ANK2: variants seen among roughly 807,000 people sequenced by gnomAD.
ANK2 encodes ankyrin-2.
Under a neutral mutation model 360.5 loss-of-function variants are expected in ANK2, and 83 were observed. The observed-to-expected ratio is 0.23, with a 90% CI of 0.19 to 0.28. The LOEUF (loss-of-function observed/expected upper bound fraction) is 0.28. ANK2 is among the 10% of genes least tolerant of loss of function. The pLI, the probability that ANK2 is intolerant of heterozygous loss-of-function variation, is 1.00. For missense variants in ANK2, 4,201 were observed against 4,795.7 expected (o/e 0.88, Z 3.66); for synonymous variants, 1,740 against 1,759.5 (o/e 0.99, Z 0.28).
the ANK2 span, among the ~76,000 whole-genome samples, chr4:112,733,536 T>A: frequency 4.5e-3 from 682 of 152,330 alleles, 5 homozygotes; most frequent in Admixed American, 8.6e-3. Context: ...ACTAATAACT[T>A]ACCATGACTT....
At chr4:112,974,478 A>G (rs2040663813) in intron 2 of ANK2, among the ~76,000 whole-genome samples, 1 of 152,200 alleles carries the variant, frequency 6.6e-6, no homozygotes, top group Non-Finnish European at 1.5e-5. Flanking sequence ...ACAGAATTGT[A>G]AGATTTCTGT....
chr4:112,960,295 C>T (rs1258556610), intron 2 of ANK2, among the ~76,000 whole-genome samples: 1 of 151,260 alleles, frequency 6.6e-6, no homozygotes, highest in Non-Finnish European at 1.5e-5. Flanking sequence ...CTCTAGATGA[C>T]ATGTATGCAG....
intron 2 of ANK2, among the ~76,000 whole-genome samples, chr4:112,984,064 G>A (rs996788771): frequency 1.3e-5 from 2 of 152,146 alleles, no homozygotes; most frequent in African/African-American, 4.8e-5. Context: ...ACAAACTTTT[G>A]CCTGGGAGAG....
chr4:112,917,259 A>C (rs956371492), intron 2 of ANK2, among the ~76,000 whole-genome samples: 3 of 152,250 alleles, frequency 2.0e-5, no homozygotes, highest in Admixed American at 6.5e-5. Flanking sequence ...ACTCTCGTGG[A>C]TCTAAAATGC....
intron 22 of ANK2, among the ~76,000 whole-genome samples, chr4:113,299,794 A>G (rs1211480667): frequency 6.6e-6 from 1 of 152,022 alleles, no homozygotes; most frequent in Non-Finnish European, 1.5e-5. Flanking sequence ...CCTGCAATTT[A>G]TATACTTTCC....
At chr4:113,287,740 G>T in intron 19 of ANK2, 37 bp downstream of exon 19, 1 of 1,553,682 alleles carries the variant, frequency 6.4e-7, no homozygotes, top group South Asian at 1.1e-5. Flanking sequence ...GACAGGTTCT[G>T]GCTGGGATGA....
chr4:112,856,195 G>C (rs1437169676), intron 1 of ANK2, among the ~76,000 whole-genome samples: 4 of 152,138 alleles, frequency 2.6e-5, no homozygotes, highest in African/African-American at 9.7e-5. Flanking sequence ...AAGCTAAATA[G>C]TCCTGAGGAT....
At chr4:112,764,621 T>A in the ANK2 span, among the ~76,000 whole-genome samples, 1 of 147,196 alleles carries the variant, frequency 6.8e-6, no homozygotes, top group East Asian at 2.1e-4. Flanking sequence ...GGATTACAGG[T>A]GTGAGCCACC....
At chr4:112,921,213 C>T (rs1371509306) in intron 2 of ANK2, among the ~76,000 whole-genome samples, 14 of 151,336 alleles carry the variant, frequency 9.3e-5, no homozygotes, top group South Asian at 6.3e-4. Context: ...TTTGTAGAGA[C>T]GGAGTTTTGC....
chr4:113,146,458 G>C (rs1437146502), intron 1 of ANK2, among the ~76,000 whole-genome samples: 1 of 152,112 alleles, frequency 6.6e-6, no homozygotes, highest in Non-Finnish European at 1.5e-5. Flanking sequence ...GCCTAAAACA[G>C]TATTTCCCTC....
Position 113,356,985 on chromosome 4 carries a change from C to A in ANK2, c.8367C>A (p.Val2789=). The A allele has an allele frequency of 6.2e-7, 1 of 1,614,062 alleles. No individual in the cohort carries two copies. The highest frequency in any genetic ancestry group is 8.5e-7 in the Non-Finnish European group (1 of 1,179,976). ...AMSPSSSAAP[V]SSGLQSPTGD... ...GTCCTAGCAGCTCAGCTGCTCCTGT[C>A]TCTTCAGGTCTACAGAGTCCGACTG... Residue 2789 remains valine (V), a synonymous_variant, in exon 38 of 46, where the codon GTC becomes GTA. Coordinates refer to ENST00000357077, the MANE Select transcript of ANK2 (RefSeq NM_001148.6).
chr4:113,214,898 A>G (rs1192532468), intron 4 of ANK2, among the ~76,000 whole-genome samples: 1 of 152,138 alleles, frequency 6.6e-6, no homozygotes, highest in Non-Finnish European at 1.5e-5. Context: ...AGAATGGTGG[A>G]TTTGCAGGAA....
intron 1 of ANK2, among the ~76,000 whole-genome samples, chr4:113,124,700 C>CT (rs1310249505): frequency 6.6e-6 from 1 of 152,136 alleles, no homozygotes; most frequent in African/African-American, 2.4e-5. Context: ...AGGGAAAACT[C>CT]TTTTTTCTCT....
the ANK2 span, among the ~76,000 whole-genome samples, chr4:112,740,383 G>A: frequency 9.9e-5 from 15 of 152,144 alleles, no homozygotes; most frequent in African/African-American, 3.6e-4. Context: ...GACTACAGGT[G>A]CATGCCACCA....
At chr4:113,267,477 G>A (rs1436631713) in intron 14 of ANK2, among the ~76,000 whole-genome samples, 12 of 152,170 alleles carry the variant, frequency 7.9e-5, no homozygotes, top group Admixed American at 7.9e-4. Flanking sequence ...TGGCTAGCCA[G>A]TTTTCCCAAC....
intron 2 of ANK2, among the ~76,000 whole-genome samples, chr4:112,978,497 T>A (rs370832791): frequency 2.1e-4 from 32 of 152,330 alleles, no homozygotes; most frequent in East Asian, 1.7e-3. Flanking sequence ...CTTTTCTTAG[T>A]CCCTGGAAAC....
At chr4:113,038,371 A>G (rs1051028237) in intron 2 of ANK2, among the ~76,000 whole-genome samples, 3 of 152,018 alleles carry the variant, frequency 2.0e-5, no homozygotes, top group Admixed American at 6.6e-5. Flanking sequence ...TCAGAAATTC[A>G]TTGATAACTG....
chr4:112,777,053 A>G, the ANK2 span, among the ~76,000 whole-genome samples: 4 of 152,330 alleles, frequency 2.6e-5, no homozygotes, highest in African/African-American at 9.6e-5. Context: ...AATAAAAATA[A>G]TATGAGTTAC....
Position 113,373,266 on chromosome 4 carries a change from C to T in ANK2, c.11695-19C>T, listed in dbSNP as rs2154074245. The T allele has an allele frequency of 6.2e-7, 1 of 1,613,814 alleles. No homozygotes were observed. Among genetic ancestry groups the T allele is most frequent in the Non-Finnish European group, 8.5e-7 (1 of 1,179,788 alleles). On this transcript the variant is annotated intron_variant, in intron 44 of 45. Transcript: ENST00000357077. ...TACTGTCACACAAAAATAAGATACA[C>T]AAATGAAATACATTTCAGGTTACTA...
Sources: allele counts gnomAD v4.1 joint callset (sites outside exome capture counted in the v4.1 genomes callset), GRCh38; gene constraint gnomAD v4.1.1; transcripts MANE v1.5; gene names NCBI Gene and HGNC (gene_info 2026-07-23, HGNC 2026-07-21).